The following NRG4 variants were observed in gnomAD, a reference collection of about 807,000 sequenced individuals.
NRG4 encodes pro-neuregulin-4, membrane-bound isoform.
NRG4 carries 10 observed loss-of-function variants against 15.0 expected under a neutral mutation model. The observed-to-expected ratio is 0.67, with a 90% confidence interval of 0.41 to 1.13. The LOEUF (loss-of-function observed/expected upper bound fraction) is 1.13, where lower values mean the gene tolerates loss of function less well. Among genes scored for constraint, NRG4 ranks in the 50% most tolerant of loss-of-function variants. The probability of loss-of-function intolerance (pLI) is 0.00; values close to 1 mark genes in which losing one functional copy is unlikely to be tolerated. For synonymous variants in NRG4, 41 were observed against 50.1 expected (o/e 0.82, Z 0.77); for missense variants, 139 against 140.2 (o/e 0.99, Z 0.04).
intron 4 of NRG4, among the ~76,000 whole-genome samples, chr15:76,036,288 A>C (rs1049796535): frequency 4.6e-5 from 7 of 152,246 alleles, no homozygotes; most frequent in African/African-American, 1.7e-4. Context: ...TGGCATAAAC[A>C]ACTTTATGTA....
At chr15:75,988,144 T>C (rs989656449) in intron 3 of NRG4, among the ~76,000 whole-genome samples, 6 of 152,214 alleles carry the variant, frequency 3.9e-5, no homozygotes, top group Non-Finnish European at 8.8e-5. Context: ...AGTTACAGCA[T>C]GTGTCAGAGG....
chr15:76,003,944 A>G (rs1456033539), intron 3 of NRG4, among the ~76,000 whole-genome samples: 1 of 152,230 alleles, frequency 6.6e-6, no homozygotes. Flanking sequence ...GGAGTCCTAC[A>G]TGGTGAAATA....
chr15:76,037,958 C>T (rs570824200), intron 4 of NRG4, among the ~76,000 whole-genome samples: 1 of 152,228 alleles, frequency 6.6e-6, no homozygotes, highest in South Asian at 2.1e-4. Context: ...AATTGTGGCC[C>T]CCATTCCAGG....
intron 5 of NRG4, among the ~76,000 whole-genome samples, chr15:75,946,451 G>A (rs1357531888): frequency 2.0e-5 from 3 of 152,214 alleles, no homozygotes; most frequent in Admixed American, 6.5e-5. Context: ...TCCGCCTCCC[G>A]GGTTCACGCC....
chr15:76,041,252 G>A (rs2035730244), intron 4 of NRG4, among the ~76,000 whole-genome samples: 1 of 152,018 alleles, frequency 6.6e-6, no homozygotes. Context: ...AAAAAAGGAA[G>A]AGAAGACCAT....
chr15:76,019,102 C>A (rs958135704), intron 5 of NRG4, among the ~76,000 whole-genome samples: 1 of 151,916 alleles, frequency 6.6e-6, no homozygotes, highest in Admixed American at 6.6e-5. Flanking sequence ...CCACCTAGTT[C>A]GAACTTCCAG....
intron 1 of NRG4, among the ~76,000 whole-genome samples, chr15:76,059,087 G>A (rs1009470525): frequency 2.6e-5 from 4 of 152,156 alleles, no homozygotes; most frequent in Admixed American, 1.3e-4. Context: ...AACACATACA[G>A]CACATAAGCA....
At chr15:76,045,565 A>G (rs2035849972) in intron 4 of NRG4, among the ~76,000 whole-genome samples, 2 of 151,034 alleles carry the variant, frequency 1.3e-5, no homozygotes, top group Non-Finnish European at 2.9e-5. Context: ...AAAATTTGGT[A>G]CATACATACA....
At chr15:76,005,175 G>A (rs1002895740) in intron 3 of NRG4, among the ~76,000 whole-genome samples, 7 of 151,716 alleles carry the variant, frequency 4.6e-5, no homozygotes, top group African/African-American at 1.7e-4. Context: ...GGAGTTTGAT[G>A]CCAGGAGTTT....
chr15:75,972,589 G>C (rs13135281), intron 3 of NRG4, among the ~76,000 whole-genome samples: 2 of 152,158 alleles, frequency 1.3e-5, no homozygotes, highest in African/African-American at 2.4e-5. Context: ...TCTGCCTATG[G>C]CTATCCAGTT....
At chr15:76,037,344 T>C (rs1017284858) in intron 4 of NRG4, among the ~76,000 whole-genome samples, 1 of 152,178 alleles carries the variant, frequency 6.6e-6, no homozygotes, top group Non-Finnish European at 1.5e-5. Context: ...ACCCCTCCCC[T>C]ATCCCATCAC....
intron 4 of NRG4, chr15:75,958,955 A>T (rs2032376815): frequency 5.3e-6 from 1 of 187,732 alleles, no homozygotes; most frequent in African/African-American, 2.4e-5. Context: ...CAACTACAAC[A>T]ATATTAAAGT....
At chr15:76,021,148 T>C (rs2035139690) in intron 5 of NRG4, among the ~76,000 whole-genome samples, 2 of 152,168 alleles carry the variant, frequency 1.3e-5, no homozygotes, top group South Asian at 4.1e-4. Context: ...CCTAGGGCCC[T>C]TAAGAATTAT....
intron 4 of NRG4, among the ~76,000 whole-genome samples, chr15:76,040,136 G>A (rs962795923): frequency 1.4e-4 from 22 of 152,142 alleles, no homozygotes; most frequent in African/African-American, 5.3e-4. Context: ...ACTCCCAAAG[G>A]TTAAGGATAA....
intron 4 of NRG4, among the ~76,000 whole-genome samples, chr15:76,045,537 A>G (rs1448294705): frequency 2.6e-5 from 4 of 151,098 alleles, no homozygotes; most frequent in Non-Finnish European, 5.9e-5. Context: ...GCATCCATCA[A>G]CAGATGAACA....
chr15:75,998,337 G>A (rs550628135), intron 3 of NRG4, among the ~76,000 whole-genome samples: 2 of 152,230 alleles, frequency 1.3e-5, no homozygotes, highest in African/African-American at 2.4e-5. Context: ...GCGAAGAATG[G>A]GTTTTACTTT....
chr15:75,997,134 A>G (rs1029097561), intron 3 of NRG4, among the ~76,000 whole-genome samples: 1 of 152,170 alleles, frequency 6.6e-6, no homozygotes, highest in Non-Finnish European at 1.5e-5. Context: ...AAACTAAATA[A>G]GGGCAAAAAT....
chr15:75,996,743 T>C (rs2034229876), intron 3 of NRG4, among the ~76,000 whole-genome samples: 1 of 152,172 alleles, frequency 6.6e-6, no homozygotes, highest in South Asian at 2.1e-4. Flanking sequence ...ATAGTCTTGG[T>C]AGGAATCAGA....
At chr15:76,044,076 C>G (rs1360028092) in intron 4 of NRG4, among the ~76,000 whole-genome samples, 2 of 152,186 alleles carry the variant, frequency 1.3e-5, no homozygotes, top group Admixed American at 1.3e-4. Flanking sequence ...CGGCTCACTG[C>G]AAGCTCCGCT....
Sources: allele counts gnomAD v4.1 joint callset (sites outside exome capture counted in the v4.1 genomes callset), GRCh38; gene constraint gnomAD v4.1.1; transcripts MANE v1.5; gene names NCBI Gene and HGNC (gene_info 2026-07-23, HGNC 2026-07-21).